Variants in LRCH3 observed in about 807,000 individuals in gnomAD.
The protein encoded by LRCH3 is leucine rich repeats and calponin homology domain containing 3.
In LRCH3, 68 loss-of-function variants were observed where a neutral mutation model predicts 104.5. The ratio of observed to expected loss-of-function variants is 0.65; its 90% CI spans 0.54 to 0.80. The LOEUF (loss-of-function observed/expected upper bound fraction) is 0.80. Ranked by LOEUF, LRCH3 falls within the 30% of genes least tolerant of loss-of-function variation. LRCH3 has a pLI of 0.00. For synonymous variants in LRCH3, 344 were observed against 361.3 expected (o/e 0.95, Z 0.54); for missense variants, 951 against 953.9 (o/e 1.00, Z 0.04).
intron 17 of LRCH3, 43 bp from the exon 18 acceptor site, chr3:197,870,117 A>G: frequency 6.3e-7 from 1 of 1,599,636 alleles, no homozygotes; most frequent in Non-Finnish European, 8.5e-7. Context: ...TTCTCCTAGC[A>G]CTGCCAGTTG....
chr3:197,862,131 G>A (rs1295563090), intron 15 of LRCH3, among the ~76,000 whole-genome samples: 12 of 152,120 alleles, frequency 7.9e-5, no homozygotes, highest in Non-Finnish European at 1.5e-4. Context: ...GAGTAGCTGC[G>A]ATTACAGGCG....
At chr3:197,809,127 T>G (rs550297159) in intron 1 of LRCH3, among the ~76,000 whole-genome samples, 16 of 152,040 alleles carry the variant, frequency 1.1e-4, no homozygotes, top group South Asian at 8.3e-4. Context: ...GTGAGACGTC[T>G]TCTCTACCAA....
Position 197,887,845 on chromosome 3 carries a change from C to G in LRCH3, c.*4179C>G, listed in dbSNP as rs577160391. The G allele has an allele frequency of 1.3e-5, 2 of 154,792 alleles. No individual in the cohort carries two copies. Among genetic ancestry groups the G allele is most frequent in the Admixed American group, 6.5e-5 (1 of 15,310 alleles). 9.6% of individuals were successfully genotyped at this position (154,792 alleles called of 1,614,324 possible). A position where few individuals can be genotyped will look rare whatever the true frequency, so the allele number is the denominator to read the frequency against. ...GACAGTGTCGGGTTGAGAGCCACCC[C>G]CAGCAGAGCCCTTGCCACGTACAGA... On this transcript the variant is annotated 3_prime_UTR_variant, in exon 21 of 21. Coordinates refer to ENST00000425562, the MANE Select transcript of LRCH3 (RefSeq NM_001365715.1).
intron 12 of LRCH3, among the ~76,000 whole-genome samples, chr3:197,848,974 G>T (rs1739170171): frequency 6.6e-6 from 1 of 152,102 alleles, no homozygotes; most frequent in Admixed American, 6.5e-5. Flanking sequence ...AAAAATGCAG[G>T]CAAATCTGGC....
chr3:197,798,006 C>T (rs1006768398), intron 1 of LRCH3, among the ~76,000 whole-genome samples: 1 of 152,130 alleles, frequency 6.6e-6, no homozygotes, highest in African/African-American at 2.4e-5. Flanking sequence ...GTAACCCTAG[C>T]ACTTTAACAC....
chr3:197,881,268 A>G lies in LRCH3; in HGVS notation c.2209-2273A>G, dbSNP rs918466146. 57 of 994,202 alleles carry G rather than the reference A, an allele frequency of 5.7e-5. No homozygotes were observed. The African/African-American group carries it at 8.6e-4, about 15-fold the overall frequency. The allele number at this position is 994,202 out of a possible 1,614,324, so 61.6% of individuals were successfully genotyped here. On this transcript the variant is annotated intron_variant, in intron 20 of 20. Coordinates refer to ENST00000425562, the MANE Select transcript of LRCH3 (RefSeq NM_001365715.1). ...CCGCTTTGTCGGTAGGCACAGGTCC[A>G]TATAAGCATTTGCGGTCTGGACGTT...
chr3:197,881,550 AAT>A, intron 20 of LRCH3: 2 of 984,280 alleles, frequency 2.0e-6, no homozygotes, highest in South Asian at 9.4e-5. Flanking sequence ...AAACCTTCTT[AAT>A]AGTGAAACAG....
At position 197,810,443 on chromosome 3, in the gene LRCH3, G is replaced by A. The variant is rs551375098; in HGVS notation, c.263-4465G>A. ...GCTGGGATTACAGGCATGAGCTACCGTGCCTGGCTATTTTATTTTTAAACT... is the reference window on the plus strand; with the variant it reads ...GCTGGGATTACAGGCATGAGCTACCATGCCTGGCTATTTTATTTTTAAACT... On this transcript the variant is annotated intron_variant, in intron 1 of 20. Transcript: ENST00000425562. This position sits in a 1 kb window ranked among gnomAD's most constrained non-coding sequence, Gnocchi z 4.0. 6.2e-4 allele frequency among the ~76,000 whole-genome samples: 95 copies of A among 152,214 alleles called. No homozygotes were observed. The highest frequency in any genetic ancestry group is 2.7e-3 in the Admixed American group (41 of 15,272).
intron 14 of LRCH3, among the ~76,000 whole-genome samples, chr3:197,855,261 A>G (rs1171666278): frequency 6.6e-6 from 1 of 152,128 alleles, no homozygotes; most frequent in Non-Finnish European, 1.5e-5. Context: ...CACAACCTTC[A>G]TTTCCTTTGA....
chr3:197,832,376 T>A, intron 8 of LRCH3, 59 bp downstream of exon 8: 1 of 1,574,442 alleles, frequency 6.4e-7, no homozygotes, highest in South Asian at 1.1e-5. Context: ...TTTAAAGTTG[T>A]CTTTTTCATA....
At chr3:197,824,142 G>A (rs529213644) in intron 4 of LRCH3, among the ~76,000 whole-genome samples, 2 of 151,416 alleles carry the variant, frequency 1.3e-5, no homozygotes, top group South Asian at 4.2e-4. Context: ...TTGGCTCACT[G>A]CAGCCTCCGC....
intron 10 of LRCH3, among the ~76,000 whole-genome samples, chr3:197,841,322 G>A (rs1291044511): frequency 6.6e-6 from 1 of 152,152 alleles, no homozygotes; most frequent in Non-Finnish European, 1.5e-5. Flanking sequence ...CATTCTTGGT[G>A]TTTAGAGCCC....
Position 197,824,666 on chromosome 3 carries a change from G to A in LRCH3, c.641-2212G>A, listed in dbSNP as rs938239985. The stretch of plus-strand genomic sequence containing the variant: ...ACGGTAACCTCTGCCCCCCCGTCCC[G>A]GGTTCAAGTGATTCTCTGCCTCAGC... On this transcript the variant is annotated intron_variant, in intron 4 of 20. Transcript: ENST00000425562. 3.4e-4 allele frequency among the ~76,000 whole-genome samples: 50 copies of A among 149,152 alleles called. 1 individual carries two copies. The highest frequency in any genetic ancestry group is 1.8e-3 in the Admixed American group (26 of 14,740).
At position 197,870,180 on chromosome 3, in the gene LRCH3, C is replaced by G. The variant is rs774188178; in HGVS notation, c.1894C>G (p.Pro632Ala). 6 of 1,612,822 alleles carry G rather than the reference C, an allele frequency of 3.7e-6. No individual in the cohort carries two copies. In the African/African-American group the frequency reaches 8.0e-5, roughly 22 times the overall value. Residue 632 changes from proline (P) to alanine (A), a missense_variant, in exon 18 of 21, where the codon CCA (proline) becomes GCA (alanine). Transcript: ENST00000425562. The part of the protein sequence containing the change: ...TNKGHASPLP[P>A]SAAPTTDSTD... Reference sequence around the variant, plus strand: ...TATAGGTCATGCTTCACCCCTTCCTCCATCTGCTGCACCTACCACTGATTC... The same window carrying G: ...TATAGGTCATGCTTCACCCCTTCCTGCATCTGCTGCACCTACCACTGATTC...
chr3:197,844,760 GGC>G (rs754968764), intron 10 of LRCH3, among the ~76,000 whole-genome samples: 2 of 152,088 alleles, frequency 1.3e-5, no homozygotes, highest in African/African-American at 2.4e-5. Flanking sequence ...TGGGACTACA[GGC>G]GCGCACCACC....
chr3:197,858,898 C>T lies in LRCH3; in HGVS notation c.1709C>T (p.Pro570Leu). 2 of 1,612,840 alleles carry T rather than the reference C, an allele frequency of 1.2e-6. No homozygotes were observed. The highest frequency in any genetic ancestry group is 1.7e-6 in the Non-Finnish European group (2 of 1,178,786). Reference sequence around the variant, plus strand: ...CTGCCTCATTCTTCTGCCTTCACGCCTCTTAAGGTATCTCTTGTTATTGTA... The same window carrying T: ...CTGCCTCATTCTTCTGCCTTCACGCTTCTTAAGGTATCTCTTGTTATTGTA... ...ATLPHSSAFTPLKSDDRPNAL... is the reference protein window; with the variant it reads ...ATLPHSSAFTLLKSDDRPNAL... The change falls in exon 15 of 21, where the codon CCT becomes CTT. Residue 570 changes from proline to leucine, a missense_variant. Pro to Leu is a moderately conservative substitution (Grantham distance 98). Transcript: ENST00000425562.
rs1250778863 is a variant in LRCH3 at position 197,883,501 on chromosome 3, T to C, written c.2209-40T>C. On this transcript the variant is annotated intron_variant, in intron 20 of 20. Coordinates refer to ENST00000425562, the MANE Select transcript of LRCH3 (RefSeq NM_001365715.1). This position sits in a 1 kb window ranked among gnomAD's most constrained non-coding sequence, Gnocchi z 4.2. ...TCAGTTCTATGATATTCATCCGATTTTCTTTTTTGTTTGTTTTCATGTTAC... is the reference window on the plus strand; with the variant it reads ...TCAGTTCTATGATATTCATCCGATTCTCTTTTTTGTTTGTTTTCATGTTAC... 1 of 1,519,464 alleles carries C rather than the reference T, an allele frequency of 6.6e-7. No individual in the cohort carries two copies. Among genetic ancestry groups the C allele is most frequent in the Non-Finnish European group, 8.8e-7 (1 of 1,137,652 alleles). The allele number at this position is 1,519,464 out of a possible 1,614,324, so 94.1% of individuals were successfully genotyped here.
intron 1 of LRCH3, 152 bp downstream of exon 1, chr3:197,791,692 CCT>C: frequency 2.3e-6 from 2 of 882,488 alleles, no homozygotes; most frequent in Non-Finnish European, 3.2e-6. Flanking sequence ...CGGCGCCAGC[CCT>C]CCGGGCCTGC....
chr3:197,814,923 G>A lies in LRCH3; in HGVS notation c.278G>A (p.Arg93His), dbSNP rs770201113. ...TTTCTTTTAGACCTGTCGCGAAATC[G>A]CCTTTCAGAAATTCCTATAGAAGCA... ...DTTRADLSRN[R>H]LSEIPIEACH... The change falls in exon 2 of 21, where the codon CGC (arginine) becomes CAC (histidine). Residue 93 changes from arginine (R) to histidine (H), a missense_variant. By Grantham distance (29) the Arg-to-His change is conservative. Coordinates refer to ENST00000425562, the MANE Select transcript of LRCH3 (RefSeq NM_001365715.1). 2.0e-5 allele frequency: 32 copies of A among 1,592,460 alleles called. No homozygotes were observed. The highest frequency in any genetic ancestry group is 2.6e-5 in the Non-Finnish European group (30 of 1,173,050).
Sources: gnomAD v4.1 joint callset for allele counts (sites outside exome capture counted in the v4.1 genomes callset) on GRCh38, gnomAD v4.1.1 for gene constraint, Gnocchi (gnomAD v3.1) non-coding constraint, MANE v1.5 for transcripts, NCBI Gene and HGNC (gene_info 2026-07-23, HGNC 2026-07-21) for gene names.